The following FSTL5 variants were observed in gnomAD, a reference collection of about 807,000 sequenced individuals.
FSTL5 encodes the protein follistatin-related protein 5.
FSTL5 carries 62 observed loss-of-function variants against 89.1 expected under a neutral mutation model. The ratio of observed to expected loss-of-function variants is 0.70; its 90% CI spans 0.57 to 0.86. The LOEUF is 0.86. FSTL5 is among the 40% of genes least tolerant of loss of function. FSTL5 has a pLI of 0.00. For synonymous variants in FSTL5, 383 were observed against 346.2 expected (o/e 1.11, Z -1.18); for missense variants, 1,057 against 1,001.6 (o/e 1.06, Z -0.75).
At chr4:161,865,569 A>T (rs1029326273) in intron 4 of FSTL5, among the ~76,000 whole-genome samples, 1 of 152,198 alleles carries the variant, frequency 6.6e-6, no homozygotes, top group Non-Finnish European at 1.5e-5. Flanking sequence ...AAAAATCATG[A>T]TAAGACATAG....
At chr4:161,995,293 T>C (rs755805099) in intron 3 of FSTL5, among the ~76,000 whole-genome samples, 7 of 152,130 alleles carry the variant, frequency 4.6e-5, no homozygotes, top group African/African-American at 7.2e-5. Flanking sequence ...AACTACTCTA[T>C]TGGATAATCT....
chr4:161,944,788 T>C (rs1734692139), intron 3 of FSTL5, among the ~76,000 whole-genome samples: 1 of 151,834 alleles, frequency 6.6e-6, no homozygotes, highest in South Asian at 2.1e-4. Flanking sequence ...GTTTGGTTAG[T>C]ATTTAATTTA....
chr4:161,963,767 T>C (rs988620834), intron 3 of FSTL5, among the ~76,000 whole-genome samples: 11 of 152,058 alleles, frequency 7.2e-5, no homozygotes, highest in Middle Eastern at 6.8e-3. Flanking sequence ...TAAGTATAAA[T>C]ATGACACTAT....
chr4:161,574,362 T>C (rs1398717940), intron 8 of FSTL5, among the ~76,000 whole-genome samples: 1 of 151,782 alleles, frequency 6.6e-6, no homozygotes, highest in African/African-American at 2.4e-5. Context: ...TTTTTAAATT[T>C]TACTTTAAGT....
intron 5 of FSTL5, among the ~76,000 whole-genome samples, chr4:161,766,700 A>G (rs1373597547): frequency 6.6e-6 from 1 of 152,218 alleles, no homozygotes. Flanking sequence ...TTCGTTCAGT[A>G]ATTTTAATGA....
At chr4:161,490,741 A>T (rs1164438421) in intron 12 of FSTL5, among the ~76,000 whole-genome samples, 1 of 152,172 alleles carries the variant, frequency 6.6e-6, no homozygotes, top group African/African-American at 2.4e-5. Flanking sequence ...AGATAATTAT[A>T]TGTGTTTAAT....
At chr4:161,992,880 A>ATGTG (rs1369369553) in intron 3 of FSTL5, among the ~76,000 whole-genome samples, 4 of 12,884 alleles carry the variant, frequency 3.1e-4, no homozygotes, top group Admixed American at 1.0e-3. Context: ...ATATATATAT[A>ATGTG]TATATATATA....
At chr4:161,918,638 T>C (rs570154121) in intron 4 of FSTL5, among the ~76,000 whole-genome samples, 3 of 152,086 alleles carry the variant, frequency 2.0e-5, no homozygotes, top group Non-Finnish European at 4.4e-5. Context: ...ACGATATTTA[T>C]TTATATTTAT....
chr4:161,848,036 C>CAAAAAAAAAAAAAAAAA (rs139315536), intron 4 of FSTL5, among the ~76,000 whole-genome samples: 1 of 48,222 alleles, frequency 2.1e-5, no homozygotes, highest in African/African-American at 9.1e-5. Flanking sequence ...GACTCCGTCT[C>CAAAAAAAAAAAAAAAAA]AAAAAAAAAA....
At chr4:161,934,830 CCT>C (rs1326881392) in intron 3 of FSTL5, among the ~76,000 whole-genome samples, 6 of 151,956 alleles carry the variant, frequency 3.9e-5, no homozygotes, top group African/African-American at 7.2e-5. Context: ...ATATCATGCC[CCT>C]GTTATTATTT....
At chr4:161,623,664 A>C in intron 7 of FSTL5, among the ~76,000 whole-genome samples, 1 of 151,970 alleles carries the variant, frequency 6.6e-6, no homozygotes, top group South Asian at 2.1e-4. Flanking sequence ...CTGCTTATGA[A>C]AGAAAAAATT....
chr4:161,520,080 T>C (rs990218566), intron 10 of FSTL5, among the ~76,000 whole-genome samples: 4 of 152,150 alleles, frequency 2.6e-5, no homozygotes, highest in African/African-American at 9.6e-5. Context: ...CCTTAACCTT[T>C]AGTTAGGGCT....
intron 15 of FSTL5, among the ~76,000 whole-genome samples, chr4:161,396,092 T>C (rs961937745): frequency 2.0e-5 from 3 of 150,442 alleles, no homozygotes; most frequent in African/African-American, 7.3e-5. Flanking sequence ...AGTCACTTTT[T>C]GAAGAATGTT....
intron 3 of FSTL5, among the ~76,000 whole-genome samples, chr4:161,933,037 T>C (rs1378821581): frequency 6.6e-6 from 1 of 152,190 alleles, no homozygotes; most frequent in Non-Finnish European, 1.5e-5. Context: ...TAATCTTCTC[T>C]ACACTTGCTT....
chr4:161,980,799 CAG>C lies in FSTL5; in HGVS notation c.160+52824_160+52825del, dbSNP rs1421155551. Among the ~76,000 whole-genome samples the C allele has an allele frequency of 4.9e-5, 5 of 101,970 alleles. No individual in the cohort carries two copies. In the Admixed American group the frequency reaches 7.7e-4, roughly 16 times the overall value. 66.9% of individuals were successfully genotyped at this position (101,970 alleles called of 152,430 possible). Reference sequence around the variant, plus strand: ...TTTTTTTTTTTTTTTTTTTTAGAGACAGAGTCTCACTCTGTCACCCAGGCTGT... The same window carrying C: ...TTTTTTTTTTTTTTTTTTTTAGAGACAGTCTCACTCTGTCACCCAGGCTGT... On this transcript the variant is annotated intron_variant, in intron 3 of 15. Transcript: ENST00000306100.
chr4:161,448,680 C>G (rs181424298), intron 15 of FSTL5, among the ~76,000 whole-genome samples: 1 of 152,160 alleles, frequency 6.6e-6, no homozygotes, highest in Non-Finnish European at 1.5e-5. Flanking sequence ...TTACTTCATC[C>G]GTGTAGTAGA....
chr4:161,689,301 A>T (rs183174763), intron 6 of FSTL5, among the ~76,000 whole-genome samples: 29 of 152,280 alleles, frequency 1.9e-4, no homozygotes, highest in African/African-American at 5.3e-4. Flanking sequence ...TCAGTTCTAT[A>T]GAAAGGGCTT....
chr4:161,987,043 T>C (rs1735982322), intron 3 of FSTL5, among the ~76,000 whole-genome samples: 1 of 152,144 alleles, frequency 6.6e-6, no homozygotes, highest in South Asian at 2.1e-4. Context: ...AAAGCCATAC[T>C]TTCCCCTAAA....
At chr4:162,081,910 T>G (rs1730115276) in intron 2 of FSTL5, among the ~76,000 whole-genome samples, 1 of 151,540 alleles carries the variant, frequency 6.6e-6, no homozygotes, top group African/African-American at 2.4e-5. Context: ...AAATCAGCCC[T>G]TAATCCTAAT....
Sources: allele counts gnomAD v4.1 joint callset (sites outside exome capture counted in the v4.1 genomes callset), GRCh38; gene constraint gnomAD v4.1.1; transcripts MANE v1.5; gene names NCBI Gene and HGNC (gene_info 2026-07-23, HGNC 2026-07-21).